The following ZNF676 variants were observed in gnomAD, a reference collection of about 807,000 sequenced individuals.
ZNF676 encodes zinc finger protein 676.
In ZNF676, 4 loss-of-function variants were observed where a neutral mutation model predicts 6.0. The observed-to-expected ratio is 0.67, with a 90% confidence interval of 0.33 to 1.53. The LOEUF is 1.53. ZNF676 is among the 40% of genes most tolerant of loss of function. The probability of loss-of-function intolerance (pLI) is 0.06; values close to 1 mark genes in which losing one functional copy is unlikely to be tolerated. For missense variants in ZNF676, 644 were observed against 679.7 expected (o/e 0.95, Z 0.58); for synonymous variants, 198 against 223.1 (o/e 0.89, Z 1.00).
At chr19:22,202,959 T>C (rs1314052235) in intron 1 of ZNF676, among the ~76,000 whole-genome samples, 1 of 152,164 alleles carries the variant, frequency 6.6e-6, no homozygotes, top group Non-Finnish European at 1.5e-5. Flanking sequence ...AGCTCTCTAC[T>C]CTCTGAGCAC....
the ZNF676 span, among the ~76,000 whole-genome samples, chr19:22,236,560 A>G: frequency 6.6e-6 from 1 of 152,160 alleles, no homozygotes; most frequent in African/African-American, 2.4e-5. Flanking sequence ...AGAAAGATTC[A>G]CTGCATAAAT....
chr19:22,181,677 C>T (rs1179034565), intron 2 of ZNF676, 91 bp from the exon 3 acceptor site: 2 of 1,041,940 alleles, frequency 1.9e-6, no homozygotes, highest in Admixed American at 3.0e-5. Context: ...ATTCAAACTA[C>T]ATAAGCAAGA....
upstream of ZNF676, among the ~76,000 whole-genome samples, chr19:22,201,685 G>T (rs1396863152): frequency 7.8e-6 from 1 of 128,826 alleles, no homozygotes; most frequent in African/African-American, 3.0e-5. Flanking sequence ...AAGTTGCCTG[G>T]AATCTACACT....
At chr19:22,181,964 A>T (rs1039991161) in intron 2 of ZNF676, among the ~76,000 whole-genome samples, 2 of 151,588 alleles carry the variant, frequency 1.3e-5, no homozygotes, top group Non-Finnish European at 2.9e-5. Flanking sequence ...AAATATTGAC[A>T]CATCCAATTT....
upstream of ZNF676, among the ~76,000 whole-genome samples, chr19:22,199,000 T>G (rs1394920739): frequency 6.6e-6 from 1 of 151,978 alleles, no homozygotes; most frequent in South Asian, 2.1e-4. Context: ...ACAACATGAA[T>G]GCTTCCACCA....
chr19:22,213,610 A>C (rs769995666), intron 1 of ZNF676, among the ~76,000 whole-genome samples: 2 of 151,788 alleles, frequency 1.3e-5, no homozygotes, highest in Non-Finnish European at 2.9e-5. Context: ...AAGAGGCTAC[A>C]CTCCATACCT....
the ZNF676 span, among the ~76,000 whole-genome samples, chr19:22,243,081 A>G: frequency 6.6e-6 from 1 of 151,876 alleles, no homozygotes; most frequent in East Asian, 1.9e-4. Flanking sequence ...AGGCAGAAGA[A>G]GTCACATCAC....
chr19:22,218,699 T>C (rs1474138339), upstream of ZNF676, among the ~76,000 whole-genome samples: 5 of 152,126 alleles, frequency 3.3e-5, no homozygotes, highest in Non-Finnish European at 7.3e-5. Context: ...AGTACCATTC[T>C]ATTCAATAGA....
chr19:22,259,573 C>G, the ZNF676 span: 1 of 152,294 alleles, frequency 6.6e-6, no homozygotes, highest in South Asian at 2.1e-4. Flanking sequence ...AGACATGGCC[C>G]AGGCACAATT....
At chr19:22,259,002 G>A in the ZNF676 span, among the ~76,000 whole-genome samples, 14 of 152,268 alleles carry the variant, frequency 9.2e-5, no homozygotes, top group Admixed American at 7.9e-4. Context: ...GTCCTTAGTG[G>A]AGTCAAAGTC....
chr19:22,188,644 A>G (rs909941847), intron 2 of ZNF676, among the ~76,000 whole-genome samples: 14 of 152,216 alleles, frequency 9.2e-5, no homozygotes, highest in Non-Finnish European at 1.9e-4. Flanking sequence ...ACCTAAGCTG[A>G]TAAGCAACTT....
chr19:22,208,217 C>T (rs2024095242), intron 1 of ZNF676, among the ~76,000 whole-genome samples: 1 of 150,864 alleles, frequency 6.6e-6, no homozygotes, highest in Admixed American at 6.6e-5. Context: ...GGTTTACTAT[C>T]CAGAATCCGT....
the ZNF676 span, among the ~76,000 whole-genome samples, chr19:22,256,707 G>T: frequency 1.3e-5 from 2 of 152,264 alleles, no homozygotes; most frequent in Middle Eastern, 3.4e-3. Flanking sequence ...CAAAATAGGA[G>T]TGTCACCTCA....
At chr19:22,233,555 T>C in the ZNF676 span, among the ~76,000 whole-genome samples, 3 of 151,542 alleles carry the variant, frequency 2.0e-5, no homozygotes, top group Middle Eastern at 0.01. Flanking sequence ...AAATTTGTTG[T>C]TTATTTTTTA....
At chr19:22,242,847 G>A in the ZNF676 span, among the ~76,000 whole-genome samples, 1 of 151,616 alleles carries the variant, frequency 6.6e-6, no homozygotes, top group South Asian at 2.1e-4. Context: ...CCAAGTTGGG[G>A]GGGGGCTCTC....
At chr19:22,219,213 C>T (rs2024224703), upstream of ZNF676, among the ~76,000 whole-genome samples, 1 of 151,896 alleles carries the variant, frequency 6.6e-6, no homozygotes, top group Non-Finnish European at 1.5e-5. Flanking sequence ...ATTCTCCTGT[C>T]TCAGCCTCCC....
intron 1 of ZNF676, among the ~76,000 whole-genome samples, chr19:22,211,554 T>A (rs572135694): frequency 6.6e-6 from 1 of 152,340 alleles, no homozygotes; most frequent in South Asian, 2.1e-4. Context: ...ATGTATTTAT[T>A]TCTTTTGGAC....
At chr19:22,215,516 G>C in intron 1 of ZNF676, 1 of 1,253,818 alleles carries the variant, frequency 8.0e-7, no homozygotes, top group Non-Finnish European at 1.1e-6. Flanking sequence ...GTCGAGCTAG[G>C]CAAGGAGAAC....
the ZNF676 span, among the ~76,000 whole-genome samples, chr19:22,238,016 C>T: frequency 6.6e-6 from 1 of 152,194 alleles, no homozygotes. Flanking sequence ...GGCTCAGTAA[C>T]TGCTTCTGAA....
Sources: gnomAD v4.1 joint callset for allele counts (sites outside exome capture counted in the v4.1 genomes callset) on GRCh38, gnomAD v4.1.1 for gene constraint, MANE v1.5 for transcripts, NCBI Gene and HGNC (gene_info 2026-07-23, HGNC 2026-07-21) for gene names.